LARS1: variants seen among roughly 807,000 people sequenced by gnomAD.
The protein encoded by LARS1 is leucine--tRNA ligase, cytoplasmic.
A neutral mutation model predicts 162.8 loss-of-function variants in LARS1; 100 were observed. The ratio of observed to expected loss-of-function variants is 0.61; its 90% CI spans 0.52 to 0.73. The LOEUF (loss-of-function observed/expected upper bound fraction) is 0.73. Among genes scored for constraint, LARS1 ranks in the 30% least tolerant of loss-of-function variants. The pLI, the probability that LARS1 is intolerant of heterozygous loss-of-function variation, is 0.00. For synonymous variants in LARS1, 457 were observed against 462.8 expected (o/e 0.99, Z 0.16); for missense variants, 1,258 against 1,408.9 (o/e 0.89, Z 1.71).
chr5:146,150,983 A>ACACACACACACAC (rs1561817010), intron 14 of LARS1, among the ~76,000 whole-genome samples: 1 of 151,176 alleles, frequency 6.6e-6, no homozygotes, highest in African/African-American at 2.4e-5. Flanking sequence ...ACACACACAC[A>ACACACACACACAC]AATGTAAATC....
chr5:146,121,561 G>A (rs1246838077), intron 30 of LARS1, among the ~76,000 whole-genome samples: 1 of 152,076 alleles, frequency 6.6e-6, no homozygotes, highest in Non-Finnish European at 1.5e-5. Context: ...CAATAGCAAA[G>A]ACTTAGAACC....
At chr5:146,177,198 G>A (rs903498333) in intron 2 of LARS1, among the ~76,000 whole-genome samples, 6 of 152,204 alleles carry the variant, frequency 3.9e-5, no homozygotes, top group Admixed American at 3.3e-4. Flanking sequence ...CGGGCGTGGT[G>A]GCTCACGCCT....
chr5:146,132,307 GA>G (rs375317395), intron 23 of LARS1: 120 of 142,390 alleles, frequency 8.4e-4, no homozygotes, highest in Admixed American at 9.8e-4. Context: ...TCTGTCTCAG[GA>G]AAAAAAAAAA....
intron 21 of LARS1, among the ~76,000 whole-genome samples, 193 bp downstream of exon 21, chr5:146,140,011 C>T (rs1158951009): frequency 1.3e-5 from 2 of 151,692 alleles, no homozygotes; most frequent in African/African-American, 4.8e-5. Flanking sequence ...CTCACTATAT[C>T]GTCCAGGCTG....
intron 5 of LARS1, among the ~76,000 whole-genome samples, chr5:146,166,986 C>T (rs1451226179): frequency 6.6e-6 from 1 of 152,168 alleles, no homozygotes; most frequent in Non-Finnish European, 1.5e-5. Context: ...CGACAAATTA[C>T]CTAATAGTCT....
At chr5:146,130,981 G>T in intron 24 of LARS1, 38 bp downstream of exon 24, 1 of 1,137,626 alleles carries the variant, frequency 8.8e-7, no homozygotes, top group Non-Finnish European at 1.3e-6. Flanking sequence ...TGTTCACATT[G>T]ACATGTTTTA....
Position 146,139,780 on chromosome 5 carries a change from CAGGAGAATGGCGTGAACCCA to C in LARS1, c.2148+404_2148+423del, listed in dbSNP as rs1752682722. ...GTCCCAGATACTCGAGAGGCTGAGG[CAGGAGAATGGCGTGAACCCA>C]GGGGGCGGAGCTTGCAGTGAGCCCA... On this transcript the variant is annotated intron_variant, in intron 21 of 31. Transcript: ENST00000394434. 2.9e-4 allele frequency: 7 copies of C among 23,882 alleles called. No homozygotes were observed. The South Asian group carries it at 0.02, about 68-fold the overall frequency. The allele number at this position is 23,882 out of a possible 1,614,324, so 1.5% of individuals were successfully genotyped here.
intron 21 of LARS1, among the ~76,000 whole-genome samples, chr5:146,137,419 T>C (rs1752563581): frequency 6.6e-6 from 1 of 152,112 alleles, no homozygotes; most frequent in Non-Finnish European, 1.5e-5. Context: ...GAGGGGTCTG[T>C]CAAGTTTGCA....
intron 10 of LARS1, among the ~76,000 whole-genome samples, chr5:146,156,706 AAAAAT>A (rs1280629604): frequency 2.0e-5 from 3 of 151,552 alleles, no homozygotes; most frequent in Non-Finnish European, 2.9e-5. Context: ...AAAAAAAAAT[AAAAAT>A]AAAATAAAGT....
intron 5 of LARS1, among the ~76,000 whole-genome samples, chr5:146,166,344 C>T (rs1754001897): frequency 2.0e-5 from 3 of 152,160 alleles, no homozygotes. Context: ...TTTATTCTAG[C>T]TTTATTCTAA....
intron 13 of LARS1, among the ~76,000 whole-genome samples, chr5:146,152,563 C>T (rs953485440): frequency 6.6e-6 from 1 of 152,150 alleles, no homozygotes; most frequent in Non-Finnish European, 1.5e-5. Flanking sequence ...TAAGGTGGCA[C>T]AGTTTCATGC....
chr5:146,131,773 G>A (rs1452513494), intron 23 of LARS1: 1 of 151,940 alleles, frequency 6.6e-6, no homozygotes, highest in Non-Finnish European at 1.5e-5. Context: ...TTACAGGCGT[G>A]AGCCACAGTG....
At chr5:146,174,601 T>C (rs1477622146) in intron 2 of LARS1, among the ~76,000 whole-genome samples, 2 of 123,970 alleles carry the variant, frequency 1.6e-5, no homozygotes, top group East Asian at 2.2e-4. Context: ...TATATATATA[T>C]ATATATCCAT....
rs772815315 is a variant in LARS1, at chr5:146,124,012, C to G, written c.3066G>C (p.Glu1022Asp). Residue 1022 changes from glutamate to aspartate, a missense_variant, in exon 29 of 32, where the codon GAG (glutamate) becomes GAC (aspartate). Physicochemically the swap from Glu to Asp is conservative, Grantham distance 45. Coordinates refer to ENST00000394434, the MANE Select transcript of LARS1 (RefSeq NM_020117.11). ...GCGAATTAGTCAGATAGACTATATT[C>G]TCCATAAGCACAGCCTTTTCATCAA... is the stretch of plus-strand genomic sequence containing the variant. The part of the protein sequence containing the change: ...LEFDEKAVLM[E>D]NIVYLTNSLE... 39 of 1,609,128 alleles carry G rather than the reference C, an allele frequency of 2.4e-5. No homozygotes were observed. Among genetic ancestry groups the G allele is most frequent in the Admixed American group, 5.0e-5 (3 of 59,828 alleles).
chr5:146,174,508 A>G (rs112555853), intron 2 of LARS1, among the ~76,000 whole-genome samples: 5 of 32,812 alleles, frequency 1.5e-4, no homozygotes, highest in Admixed American at 4.7e-4. Flanking sequence ...ATCCATATAT[A>G]TATATATATA....
At position 146,151,905 on chromosome 5, in the gene LARS1, G is replaced by T; in HGVS notation, c.1382C>A (p.Ala461Glu). Residue 461 changes from alanine (A) to glutamate (E), a missense_variant, in exon 14 of 32, where the codon GCA becomes GAA. Transcript: ENST00000394434. Reference protein sequence around the residue: ...IQSQNDREKLAEAKEKIYLKG... With the variant: ...IQSQNDREKLEEAKEKIYLKG... ...TAGATATATCTTCTCCTTTGCTTCT[G>T]CAAGTTTTTCCCGGTCATTCTGGCT... The T allele has an allele frequency of 6.2e-7, 1 of 1,614,004 alleles. No individual in the cohort carries two copies. Among genetic ancestry groups the T allele is most frequent in the Non-Finnish European group, 8.5e-7 (1 of 1,179,982 alleles).
chr5:146,120,569 A>G (rs1014474026), intron 30 of LARS1, 66 bp from the exon 31 acceptor site: 59 of 1,485,956 alleles, frequency 4.0e-5, no homozygotes, highest in Non-Finnish European at 5.3e-5. Flanking sequence ...AATCTCTGCT[A>G]CGTTTTCAAT....
intron 21 of LARS1, among the ~76,000 whole-genome samples, chr5:146,137,151 G>T (rs185497136): frequency 6.6e-6 from 1 of 152,282 alleles, no homozygotes; most frequent in African/African-American, 2.4e-5. Flanking sequence ...ACCCGCCTTG[G>T]CCTCCCAAAG....
chr5:146,128,649 G>T, intron 27 of LARS1, 23 bp downstream of exon 27: 1 of 1,477,268 alleles, frequency 6.8e-7, no homozygotes, highest in African/African-American at 1.5e-5. Context: ...CATCAGGGGG[G>T]AAAAGTCTAC....
Sources: gnomAD v4.1 joint callset for allele counts (sites outside exome capture counted in the v4.1 genomes callset) on GRCh38, gnomAD v4.1.1 for gene constraint, MANE v1.5 for transcripts, NCBI Gene and HGNC (gene_info 2026-07-23, HGNC 2026-07-21) for gene names.